LRRTM3: variants seen among roughly 807,000 people sequenced by gnomAD.
The protein encoded by LRRTM3 is leucine-rich repeat transmembrane neuronal protein 3.
In LRRTM3, 24 loss-of-function variants were observed where a neutral mutation model predicts 44.7. The observed-to-expected ratio is 0.54, with a 90% CI of 0.39 to 0.76. The LOEUF is 0.76. Among genes scored for constraint, LRRTM3 ranks in the 30% least tolerant of loss-of-function variants. The probability of loss-of-function intolerance (pLI) is 0.00; values close to 1 mark genes in which losing one functional copy is unlikely to be tolerated. For synonymous variants in LRRTM3, 277 were observed against 278.7 expected, an observed-to-expected ratio of 0.99 and a Z score of 0.06; for missense variants, 587 against 702.2, an observed-to-expected ratio of 0.84 and a Z score of 1.85.
intron 2 of LRRTM3, among the ~76,000 whole-genome samples, chr10:66,932,381 T>C (rs1847452854): frequency 6.6e-6 from 1 of 152,180 alleles, no homozygotes; most frequent in African/African-American, 2.4e-5. Context: ...CATCAGGTCA[T>C]GAAGCCTGAG....
At position 67,098,635 on chromosome 10, in the gene LRRTM3, G is replaced by A. The variant is rs1858154768; in HGVS notation, c.*839G>A. The A allele has an allele frequency of 1.3e-5, 2 of 152,256 alleles. No individual in the cohort carries two copies. The highest frequency in any genetic ancestry group is 2.4e-5 in the African/African-American group (1 of 41,350). The allele number at this position is 152,256 out of a possible 1,614,324, so 9.4% of individuals were successfully genotyped here. ...GAGTAACCATTGTTAAGGGTTGGGG[G>A]AAAGCATGGACAAAACATCACTGGA... On this transcript the variant is annotated 3_prime_UTR_variant, in exon 3 of 3. Coordinates refer to ENST00000361320, the MANE Select transcript of LRRTM3 (RefSeq NM_178011.5).
chr10:66,949,377 A>T (rs746104405), intron 2 of LRRTM3, among the ~76,000 whole-genome samples: 3 of 151,984 alleles, frequency 2.0e-5, no homozygotes, highest in Non-Finnish European at 4.4e-5. Context: ...ACCAACATGG[A>T]GAAACCCCGT....
chr10:66,996,118 C>T (rs1851321573), intron 2 of LRRTM3, among the ~76,000 whole-genome samples: 1 of 152,170 alleles, frequency 6.6e-6, no homozygotes, highest in Non-Finnish European at 1.5e-5. Flanking sequence ...GTTCATCTTA[C>T]TCTCTATTGC....
chr10:67,064,352 C>A (rs1554909598), intron 2 of LRRTM3, among the ~76,000 whole-genome samples: 1 of 151,986 alleles, frequency 6.6e-6, no homozygotes. Context: ...TGAAGCTCCA[C>A]AAAAAATATG....
intron 2 of LRRTM3, among the ~76,000 whole-genome samples, chr10:67,018,235 T>C (rs1345318908): frequency 6.6e-6 from 1 of 152,180 alleles, no homozygotes; most frequent in African/African-American, 2.4e-5. Flanking sequence ...TTACTTAAAA[T>C]GAGAGCATAA....
intron 2 of LRRTM3, among the ~76,000 whole-genome samples, chr10:67,086,372 G>A (rs1173263691): frequency 1.3e-5 from 2 of 151,958 alleles, no homozygotes; most frequent in Admixed American, 6.6e-5. Context: ...TTAGTTGGGA[G>A]ATAATCTCAA....
chr10:66,935,769 C>T lies in LRRTM3; in HGVS notation c.1536+7317C>T, dbSNP rs10997447. ...TTGATAAAAAGTGTTTTATGCGTTT[C>T]GTAAACTCAGATAGTTTTCCTTAAA... On this transcript the variant is annotated intron_variant, in intron 2 of 2. Coordinates refer to ENST00000361320, the MANE Select transcript of LRRTM3 (RefSeq NM_178011.5). Among the ~76,000 whole-genome samples, 741 of 150,288 alleles carry T rather than the reference C, an allele frequency of 4.9e-3. 37 individuals are homozygous for T. The East Asian group carries it at 0.1, about 21-fold the overall frequency.
chr10:67,078,644 G>T (rs1856867798), intron 2 of LRRTM3, among the ~76,000 whole-genome samples: 2 of 151,966 alleles, frequency 1.3e-5, no homozygotes, highest in Admixed American at 6.6e-5. Context: ...AGCCTCCCAA[G>T]TAGCTGGGAT....
At position 67,075,482 on chromosome 10, in the gene LRRTM3, G is replaced by C. The variant is rs564313838; in HGVS notation, c.1537-22105G>C. On this transcript the variant is annotated intron_variant, in intron 2 of 2. Coordinates refer to ENST00000361320, the MANE Select transcript of LRRTM3 (RefSeq NM_178011.5). ...CACCTGCCACTATTAAGATGGAAAA[G>C]AGATAAGAAAGGTGAAGTTGGAAAT... 2.0e-5 allele frequency among the ~76,000 whole-genome samples: 3 copies of C among 152,276 alleles called. No individual in the cohort carries two copies. The East Asian group carries it at 5.8e-4, about 29-fold the overall frequency.
chr10:67,092,991 T>G (rs1857747026), intron 2 of LRRTM3, among the ~76,000 whole-genome samples: 1 of 152,050 alleles, frequency 6.6e-6, no homozygotes, highest in Admixed American at 6.6e-5. Flanking sequence ...GAGTAAGTTT[T>G]TATACCCCTG....
At chr10:66,953,545 C>T (rs910900249) in intron 2 of LRRTM3, among the ~76,000 whole-genome samples, 1 of 152,100 alleles carries the variant, frequency 6.6e-6, no homozygotes, top group Non-Finnish European at 1.5e-5. Context: ...AACAGTCTTA[C>T]TGGCACACCA....
chr10:66,937,618 G>A (rs1847780801), intron 2 of LRRTM3, among the ~76,000 whole-genome samples: 1 of 152,150 alleles, frequency 6.6e-6, no homozygotes, highest in Non-Finnish European at 1.5e-5. Flanking sequence ...ACTGAAGAGT[G>A]ATGGTAGTAC....
At chr10:67,031,482 A>T (rs1286850153) in intron 2 of LRRTM3, among the ~76,000 whole-genome samples, 2 of 152,226 alleles carry the variant, frequency 1.3e-5, no homozygotes, top group African/African-American at 4.8e-5. Context: ...AAGATTTTCA[A>T]GAAAATTTAT....
intron 2 of LRRTM3, among the ~76,000 whole-genome samples, chr10:67,085,864 A>T (rs1022870319): frequency 6.6e-6 from 1 of 152,034 alleles, no homozygotes; most frequent in South Asian, 2.1e-4. Flanking sequence ...GTTAATATCA[A>T]TGAAATAACA....
chr10:67,089,181 T>A (rs1290644554), intron 2 of LRRTM3, among the ~76,000 whole-genome samples: 5 of 152,068 alleles, frequency 3.3e-5, no homozygotes, highest in African/African-American at 1.2e-4. Context: ...GAGGGAGGAC[T>A]GTACTTGTGA....
At chr10:66,993,092 C>T (rs930719994) in intron 2 of LRRTM3, among the ~76,000 whole-genome samples, 12 of 152,082 alleles carry the variant, frequency 7.9e-5, no homozygotes, top group African/African-American at 2.9e-4. Context: ...AGGCACTGGA[C>T]GATCATGAGG....
chr10:66,955,242 A>G (rs1564792258), intron 2 of LRRTM3, among the ~76,000 whole-genome samples: 3 of 152,170 alleles, frequency 2.0e-5, no homozygotes, highest in African/African-American at 4.8e-5. Context: ...GATGTTATAT[A>G]CATAGATCAT....
intron 2 of LRRTM3, among the ~76,000 whole-genome samples, chr10:66,966,385 T>G (rs1315027989): frequency 6.6e-6 from 1 of 152,136 alleles, no homozygotes. Flanking sequence ...AATGAAAAAT[T>G]AATTTATTTG....
At chr10:67,074,235 T>C (rs1856618599) in intron 2 of LRRTM3, among the ~76,000 whole-genome samples, 1 of 151,696 alleles carries the variant, frequency 6.6e-6, no homozygotes, top group Non-Finnish European at 1.5e-5. Context: ...GTTTCACCAT[T>C]TGGCCAGGAT....
Sources: gnomAD v4.1 joint callset for allele counts (sites outside exome capture counted in the v4.1 genomes callset) on GRCh38, gnomAD v4.1.1 for gene constraint, MANE v1.5 for transcripts, NCBI Gene and HGNC (gene_info 2026-07-23, HGNC 2026-07-21) for gene names.